Variants in PHEX observed in about 807,000 individuals in gnomAD.
PHEX encodes the protein phosphate-regulating neutral endopeptidase PHEX.
In PHEX, 16 loss-of-function variants were observed where a neutral mutation model predicts 68.0. The ratio of observed to expected loss-of-function variants is 0.24; its 90% CI spans 0.16 to 0.36. The LOEUF (loss-of-function observed/expected upper bound fraction) is 0.36, where lower values mean the gene tolerates loss of function less well. Ranked by LOEUF, PHEX falls within the 10% of genes least tolerant of loss-of-function variation. The probability of loss-of-function intolerance (pLI) is 1.00; values close to 1 mark genes in which losing one functional copy is unlikely to be tolerated. For missense variants in PHEX, 480 were observed against 575.5 expected (o/e 0.83, Z 1.70); for synonymous variants, 208 against 205.1 (o/e 1.01, Z -0.12).
chrX:22,032,628 C>T lies in PHEX; in HGVS notation c.-378C>T. 7.1e-6 allele frequency: 1 copy of T among 141,087 alleles called. No individual in the cohort carries two copies. The highest frequency in any genetic ancestry group is 1.4e-5 in the Non-Finnish European group (1 of 70,945). The allele number at this position is 141,087 out of a possible 1,213,427, so 11.6% of individuals were successfully genotyped here. On this transcript the variant is annotated 5_prime_UTR_variant, in exon 1 of 22. Coordinates refer to ENST00000379374, the MANE Select transcript of PHEX (RefSeq NM_000444.6). ...TTTTGATAAAACAATTGTTTTTTTC[C>T]TCCCCAAGTGACTATACATTTAAAT...
chrX:22,176,400 A>AT (rs1556067275), intron 13 of PHEX, among the ~76,000 whole-genome samples: 1,727 of 61,718 alleles, frequency 0.028, 13 homozygotes, highest in Non-Finnish European at 0.039. Flanking sequence ...AAAAAAAAAA[A>AT]AAATATATAT....
chrX:22,091,706 AG>A (rs1929891375), intron 6 of PHEX, among the ~76,000 whole-genome samples: 1 of 112,038 alleles, frequency 8.9e-6, no homozygotes, highest in East Asian at 2.8e-4. Flanking sequence ...CCCCAACAAA[AG>A]CAGCTTGCCC....
intron 12 of PHEX, among the ~76,000 whole-genome samples, chrX:22,160,862 G>A (rs756663265): frequency 9.0e-6 from 1 of 111,201 alleles, no homozygotes; most frequent in East Asian, 2.8e-4. Flanking sequence ...AGCTGAGTGT[G>A]GTGGCTCACA....
Position 22,133,638 on chromosome X carries a change from T to C in PHEX, c.1404+14T>C. On this transcript the variant is annotated intron_variant, in intron 12 of 21. Transcript: ENST00000379374. ...GCCAAAGAAAAGGTAAGGATTCCTT[T>C]TGATGAAAAAAAAATAAGACTTCTG... 1 of 1,127,335 alleles carries C rather than the reference T, an allele frequency of 8.9e-7. No individual in the cohort carries two copies. The highest frequency in any genetic ancestry group is 1.2e-6 in the Non-Finnish European group (1 of 820,014). The allele number at this position is 1,127,335 out of a possible 1,213,427, so 92.9% of individuals were successfully genotyped here. A position where few individuals can be genotyped will look rare whatever the true frequency, so the allele number is the denominator to read the frequency against.
chrX:22,061,220 A>G (rs1281173187), intron 3 of PHEX, among the ~76,000 whole-genome samples: 1 of 112,096 alleles, frequency 8.9e-6, no homozygotes, highest in Non-Finnish European at 1.9e-5. Flanking sequence ...CATACTCTGA[A>G]TTGGTCAACG....
chrX:22,117,034 C>T (rs944207525), intron 11 of PHEX, among the ~76,000 whole-genome samples: 2 of 111,913 alleles, frequency 1.8e-5, no homozygotes, highest in African/African-American at 6.5e-5. Flanking sequence ...TACCTAGACC[C>T]ATTTAGATTA....
At chrX:22,232,899 C>T (rs1935818043) in intron 20 of PHEX, among the ~76,000 whole-genome samples, 1 of 110,374 alleles carries the variant, frequency 9.1e-6, no homozygotes, top group Non-Finnish European at 1.9e-5. Context: ...TGTTGATGGT[C>T]TTTCTTTACA....
At position 22,189,583 on chromosome X, in the gene PHEX, G is replaced by A. The variant is rs775555137; in HGVS notation, c.1587-861G>A. 3.0e-3 allele frequency among the ~76,000 whole-genome samples: 338 copies of A among 111,405 alleles called. 1 individual carries two copies. The highest frequency in any genetic ancestry group is 5.4e-3 in the Non-Finnish European group (284 of 52,991). On this transcript the variant is annotated intron_variant, in intron 14 of 21. Transcript: ENST00000379374. ...GAAACCCTGTCTCTGAAAAAAAAAA[G>A]AGAAATAATTGTACTTGATTACTAT... is the stretch of plus-strand genomic sequence containing the variant.
chrX:22,043,577 C>T (rs190929818), intron 2 of PHEX, among the ~76,000 whole-genome samples: 5 of 111,526 alleles, frequency 4.5e-5, no homozygotes, highest in East Asian at 2.8e-4. Flanking sequence ...GAGTTTGTGA[C>T]GATACCATAT....
At chrX:22,200,896 T>A (rs1353796024) in intron 15 of PHEX, among the ~76,000 whole-genome samples, 2 of 111,336 alleles carry the variant, frequency 1.8e-5, no homozygotes, top group Admixed American at 9.6e-5. Flanking sequence ...AGTTCATTAT[T>A]GCCTCTTCTA....
chrX:22,131,995 C>T (rs1041475621), intron 11 of PHEX, among the ~76,000 whole-genome samples: 1 of 112,332 alleles, frequency 8.9e-6, no homozygotes, highest in Non-Finnish European at 1.9e-5. Context: ...AAGCCAGGCA[C>T]GTACATCCTC....
At chrX:22,227,444 C>CTA (rs1935544380) in intron 19 of PHEX, 63 bp from the exon 20 acceptor site, 2 of 744,192 alleles carry the variant, frequency 2.7e-6, no homozygotes, top group African/African-American at 4.1e-5. Context: ...TATTCCTGTG[C>CTA]TAGCTGAGCA....
chrX:22,233,204 G>A (rs1172021534), intron 20 of PHEX, among the ~76,000 whole-genome samples: 2 of 111,744 alleles, frequency 1.8e-5, no homozygotes, highest in Admixed American at 1.9e-4. Context: ...GCATCCCTTT[G>A]TGGGTAACCC....
At position 22,133,643 on chromosome X, in the gene PHEX, G is replaced by GA. The variant is rs747974210; in HGVS notation, c.1404+28dup. The GA allele has an allele frequency of 6.1e-4, 656 of 1,072,970 alleles. No homozygotes were observed. Among genetic ancestry groups the GA allele is most frequent in the Non-Finnish European group, 7.4e-4 (576 of 779,548 alleles). The allele number at this position is 1,072,970 out of a possible 1,213,427, so 88.4% of individuals were successfully genotyped here. On this transcript the variant is annotated intron_variant, in intron 12 of 21. Transcript: ENST00000379374. ...AGAAAAGGTAAGGATTCCTTTTGATGAAAAAAAAATAAGACTTCTGGTTTA... is the reference window on the plus strand; with the variant it reads ...AGAAAAGGTAAGGATTCCTTTTGATGAAAAAAAAAATAAGACTTCTGGTTTA...
intron 15 of PHEX, among the ~76,000 whole-genome samples, chrX:22,205,689 T>C (rs1008712625): frequency 1.3e-4 from 14 of 109,496 alleles, no homozygotes; most frequent in Non-Finnish European, 2.5e-4. Flanking sequence ...TATTAAATTA[T>C]TATTATTAAT....
At chrX:22,158,724 C>G (rs1933023663) in intron 12 of PHEX, among the ~76,000 whole-genome samples, 1 of 112,096 alleles carries the variant, frequency 8.9e-6, no homozygotes, top group Admixed American at 9.5e-5. Flanking sequence ...AAAGTAGATG[C>G]CATTTCAGAG....
In PHEX at chrX:22,115,292, C is replaced by T. The variant is rs1046809900; in HGVS notation, c.1302+706C>T. Among the ~76,000 whole-genome samples the T allele has an allele frequency of 4.4e-5, 5 of 112,402 alleles. No individual in the cohort carries two copies. The East Asian group carries it at 1.4e-3, about 31-fold the overall frequency. ...GTTGCAGTGAGCCGAGATCGCGCCA[C>T]TGCCCTTCAGCCAAGGCGACAGAGC... On this transcript the variant is annotated intron_variant, in intron 11 of 21. Coordinates refer to ENST00000379374, the MANE Select transcript of PHEX (RefSeq NM_000444.6).
Position 22,195,527 on chromosome X carries a change from G to A in PHEX, c.1645+5025G>A, listed in dbSNP as rs778300672. Among the ~76,000 whole-genome samples, 11 of 109,941 alleles carry A rather than the reference G, an allele frequency of 1.0e-4. No homozygotes were observed. The South Asian group carries it at 1.6e-3, about 16-fold the overall frequency. On this transcript the variant is annotated intron_variant, in intron 15 of 21. Coordinates refer to ENST00000379374, the MANE Select transcript of PHEX (RefSeq NM_000444.6). ...GGAGAATCACTTGAACCCAAAAGGC[G>A]GAGGTTGCAGTGAGCCGAGATTGTG...
chrX:22,234,768 C>A (rs1166416319), intron 20 of PHEX, among the ~76,000 whole-genome samples: 1 of 104,806 alleles, frequency 9.5e-6, no homozygotes, highest in Non-Finnish European at 1.9e-5. Flanking sequence ...CCCCTTCTGA[C>A]GGGAGTGAAC....
Sources: gnomAD v4.1 joint callset for allele counts (sites outside exome capture counted in the v4.1 genomes callset) on GRCh38, gnomAD v4.1.1 for gene constraint, MANE v1.5 for transcripts, NCBI Gene and HGNC (gene_info 2026-07-23, HGNC 2026-07-21) for gene names.